The following C12orf56 variants were observed in gnomAD, a reference collection of about 807,000 sequenced individuals.
The protein encoded by C12orf56 is chromosome 12 open reading frame 56, also known as uncharacterized protein C12orf56.
Under a neutral mutation model 69.9 loss-of-function variants are expected in C12orf56, and 71 were observed. The ratio of observed to expected loss-of-function variants is 1.02; its 90% CI spans 0.84 to 1.24. C12orf56 has a LOEUF of 1.24. C12orf56 is among the 50% of genes most tolerant of loss of function. C12orf56 has a pLI of 0.00. For missense variants in C12orf56, 732 were observed against 738.5 expected (o/e 0.99, Z 0.10); for synonymous variants, 276 against 274.1 (o/e 1.01, Z -0.07).
intron 3 of C12orf56, among the ~76,000 whole-genome samples, chr12:64,322,004 TTTA>T (rs71092955): frequency 6.7e-6 from 1 of 148,494 alleles, no homozygotes; most frequent in Non-Finnish European, 1.5e-5. Context: ...ATTTATTTAA[TTTA>T]TTATTATTAT....
chr12:64,274,970 A>T lies in C12orf56; in HGVS notation c.1515T>A (p.Asn505Lys), dbSNP rs781276425. Reference sequence around the variant, plus strand: ...CAAACTTTGTGGATCCCAATCCGAGATTTCCCTAAAAGACTCAAGGAAATA... The same window carrying T: ...CAAACTTTGTGGATCCCAATCCGAGTTTTCCCTAAAAGACTCAAGGAAATA... ...YEILLVFQQG[N>K]LGLGSTKFAI... Residue 505 changes from asparagine (N) to lysine (K), a missense_variant, in exon 11 of 13, where the codon AAT becomes AAA. Asn to Lys is a moderately conservative substitution (Grantham distance 94). Coordinates refer to ENST00000543942, the MANE Select transcript of C12orf56 (RefSeq NM_001170633.2). 5 of 1,609,554 alleles carry T rather than the reference A, an allele frequency of 3.1e-6. No individual in the cohort carries two copies. In the Admixed American group the frequency reaches 6.7e-5, roughly 21 times the overall value.
Position 64,275,357 on chromosome 12 carries a change from G to A in C12orf56, c.1450C>T (p.Leu484=). 2 of 1,408,404 alleles carry A rather than the reference G, an allele frequency of 1.4e-6. No individual in the cohort carries two copies. Among genetic ancestry groups the A allele is most frequent in the Non-Finnish European group, 1.9e-6 (2 of 1,061,528 alleles). The allele number at this position is 1,408,404 out of a possible 1,614,324, so 87.2% of individuals were successfully genotyped here. ...GCTGTAGCAGTATTTGTATACTCCA[G>A]AATAAGCTTCTGTAACTAGAATTTT... ...SFDAELQKLI[L]EYTNTATALL... is the part of the protein sequence containing the mutation. Residue 484 remains leucine, a synonymous_variant, in exon 10 of 13, where the codon CTG becomes TTG. Transcript: ENST00000543942.
chr12:64,353,045 G>T lies in C12orf56; in HGVS notation c.264C>A (p.Tyr88Ter). Residue 88 changes from tyrosine (Y) to a stop codon, truncating the protein, a stop_gained, in exon 2 of 13, where the codon TAC (tyrosine) becomes TAA (stop). Transcript: ENST00000543942. LOFTEE classifies it high-confidence loss of function. ...TATCTGGCGAACTCAAAAATTCCGGGTAATCATCAATCTGGAAAAAAAATT... is the reference window on the plus strand; with the variant it reads ...TATCTGGCGAACTCAAAAATTCCGGTTAATCATCAATCTGGAAAAAAAATT... Reference protein sequence around the residue: ...DVVAIDLIDDYPEFLSSPDRE... With the variant: ...DVVAIDLIDD 3 of 1,610,070 alleles carry T rather than the reference G, an allele frequency of 1.9e-6. No homozygotes were observed. The highest frequency in any genetic ancestry group is 2.2e-5 in the East Asian group (1 of 44,776).
In C12orf56 at chr12:64,390,318, T is replaced by C. The variant is rs1351777301; in HGVS notation, c.248A>G (p.Asp83Gly). The C allele has an allele frequency of 1.9e-6, 3 of 1,607,784 alleles. No individual in the cohort carries two copies. Among genetic ancestry groups the C allele is most frequent in the Non-Finnish European group, 1.7e-6 (2 of 1,178,458 alleles). ...VVALRDVVAI[D>G]LIDDYPEFLS... ...CTGCCCACCCGCGCCGCTCACCAGG[T>C]CAATGGCCACGACGTCCCGCAGAGC... The change falls in exon 1 of 13, where the codon GAC becomes GGC. Residue 83 changes from aspartate to glycine, a missense_variant. Physicochemically the swap from Asp to Gly is moderately conservative, Grantham distance 94. Transcript: ENST00000543942.
intron 1 of C12orf56, among the ~76,000 whole-genome samples, chr12:64,378,929 T>C (rs962435305): frequency 3.3e-5 from 5 of 151,792 alleles, no homozygotes; most frequent in African/African-American, 1.2e-4. Context: ...TGCGTGCCTG[T>C]AGTCCCAGCT....
rs748400227 is a variant in C12orf56 at position 64,286,008 on chromosome 12, T to C, written c.1166A>G (p.Glu389Gly). The C allele has an allele frequency of 4.3e-6, 7 of 1,611,538 alleles. No individual in the cohort carries two copies. The African/African-American group carries it at 9.4e-5, about 22-fold the overall frequency. The change falls in exon 7 of 13, where the codon GAG becomes GGG. Residue 389 changes from glutamate to glycine, a missense_variant. By Grantham distance (98) the Glu-to-Gly change is moderately conservative (BLOSUM62 -2). Transcript: ENST00000543942. ...IVNKLHEYLP[E>G]SRDKNALQNQ... ...TTGTAGTGCATTCTTATCCCTAGAC[T>C]CCGGCAAGTACTCATGAAGTTTGTT...
chr12:64,285,715 G>C (rs1006687244), intron 7 of C12orf56, among the ~76,000 whole-genome samples: 25 of 152,104 alleles, frequency 1.6e-4, no homozygotes, highest in African/African-American at 5.6e-4. Flanking sequence ...TTGAACCCAC[G>C]AGGCAGAAAT....
chr12:64,313,499 A>T (rs989740573), intron 4 of C12orf56, among the ~76,000 whole-genome samples: 1 of 151,768 alleles, frequency 6.6e-6, no homozygotes, highest in Non-Finnish European at 1.5e-5. Flanking sequence ...GTGAGCTATG[A>T]TTGTGCCACT....
In C12orf56 at chr12:64,390,524, G is replaced by C; in HGVS notation, c.42C>G (p.Asn14Lys). 1.3e-6 allele frequency: 2 copies of C among 1,597,206 alleles called. No homozygotes were observed. Among genetic ancestry groups the C allele is most frequent in the Non-Finnish European group, 1.7e-6 (2 of 1,178,238 alleles). Residue 14 changes from asparagine (N) to lysine (K), a missense_variant, in exon 1 of 13, where the codon AAC (asparagine) becomes AAG (lysine). Asn to Lys is a moderately conservative substitution (Grantham distance 94). Coordinates refer to ENST00000543942, the MANE Select transcript of C12orf56 (RefSeq NM_001170633.2). ...GCCGCAGGAACACATCCAGGCGGCTGTTCCTGCGCGCGGGGAAGCCGGACG... is the reference window on the plus strand; with the variant it reads ...GCCGCAGGAACACATCCAGGCGGCTCTTCCTGCGCGCGGGGAAGCCGGACG... The part of the protein sequence containing the change: ...PLPSGFPARR[N>K]SRLDVFLRRH...
intron 11 of C12orf56, among the ~76,000 whole-genome samples, chr12:64,272,583 A>AT (rs1211267876): frequency 2.0e-4 from 3 of 14,754 alleles, no homozygotes; most frequent in East Asian, 7.7e-4. Context: ...ATAAAAATAA[A>AT]AAAATAAATA....
At chr12:64,368,276 G>C (rs2039525422) in intron 1 of C12orf56, among the ~76,000 whole-genome samples, 2 of 152,076 alleles carry the variant, frequency 1.3e-5, no homozygotes, top group Non-Finnish European at 2.9e-5. Flanking sequence ...CCTAAGGAGA[G>C]AGACTGTACT....
intron 11 of C12orf56, among the ~76,000 whole-genome samples, chr12:64,272,573 AT>A (rs2136744883): frequency 1.4e-5 from 1 of 71,660 alleles, no homozygotes; most frequent in Admixed American, 1.7e-4. Flanking sequence ...AAGTAAAAAA[AT>A]AAAAATAAAA....
intron 3 of C12orf56, among the ~76,000 whole-genome samples, chr12:64,326,642 C>T (rs2038844877): frequency 6.6e-6 from 1 of 151,416 alleles, no homozygotes. Context: ...GAGGCTAAGG[C>T]AGAAGAATCG....
rs988793850 is a variant in C12orf56, at chr12:64,330,888, A to T, written c.488+72T>A. Reference sequence around the variant, plus strand: ...AAGCCATTAGTAGAGAAAAAAAATTAAGAAAAACAAGTTACAATGTAAAAA... The same window carrying T: ...AAGCCATTAGTAGAGAAAAAAAATTTAGAAAAACAAGTTACAATGTAAAAA... On this transcript the variant is annotated intron_variant, in intron 3 of 12. Transcript: ENST00000543942. 7.7e-6 allele frequency: 10 copies of T among 1,305,696 alleles called. No individual in the cohort carries two copies. The African/African-American group carries it at 1.2e-4, about 16-fold the overall frequency. The allele number at this position is 1,305,696 out of a possible 1,614,324, so 80.9% of individuals were successfully genotyped here. A position where few individuals can be genotyped will look rare whatever the true frequency, so the allele number is the denominator to read the frequency against.
At position 64,266,982 on chromosome 12, in the gene C12orf56, C is replaced by T. The variant is rs1592403631; in HGVS notation, c.*201G>A. ...CCAATGGCATAAAGATCTTTGCACA[C>T]TTATAATAAATCAAATTTATTTTTT... On this transcript the variant is annotated 3_prime_UTR_variant, in exon 13 of 13. Transcript: ENST00000543942. The T allele has an allele frequency of 5.9e-6, 3 of 506,676 alleles. No homozygotes were observed. The highest frequency in any genetic ancestry group is 3.2e-5 in the South Asian group (1 of 31,730). 31.4% of individuals were successfully genotyped at this position (506,676 alleles called of 1,614,324 possible). A position where few individuals can be genotyped will look rare whatever the true frequency, so the allele number is the denominator to read the frequency against.
At chr12:64,312,957 C>T (rs1592443556) in intron 4 of C12orf56, among the ~76,000 whole-genome samples, 1 of 151,962 alleles carries the variant, frequency 6.6e-6, no homozygotes, top group Admixed American at 6.6e-5. Context: ...AACACTTGCT[C>T]ATTATAAAAT....
chr12:64,267,185 A>G lies in C12orf56; in HGVS notation c.1867T>C (p.Ter623GlnextTer12). 1 of 1,595,086 alleles carries G rather than the reference A, an allele frequency of 6.3e-7. No individual in the cohort carries two copies. The highest frequency in any genetic ancestry group is 8.6e-7 in the Non-Finnish European group (1 of 1,166,636). Residue 623 changes from the stop codon to glutamine, a stop_lost, in exon 13 of 13, where the codon TAG (stop) becomes CAG (glutamine). Transcript: ENST00000543942. ...LFHEVLKLVE* is the reference protein window; with the variant it reads ...LFHEVLKLVEQ The stretch of plus-strand genomic sequence containing the variant: ...AACATTGCGTACATTGTTTGTTTCT[A>G]TTCAACCAATTTCAGAACTTCATGA...
intron 1 of C12orf56, among the ~76,000 whole-genome samples, chr12:64,365,249 C>T (rs558972820): frequency 6.6e-6 from 1 of 150,956 alleles, no homozygotes; most frequent in Non-Finnish European, 1.5e-5. Flanking sequence ...ACTGCAACCT[C>T]CGCCTTCCGG....
intron 2 of C12orf56, among the ~76,000 whole-genome samples, chr12:64,332,602 C>T (rs1170327680): frequency 5.2e-5 from 7 of 133,386 alleles, no homozygotes; most frequent in Admixed American, 4.5e-4. Flanking sequence ...GTAAGACAGA[C>T]GTCTTAGTTA....
Sources: allele counts gnomAD v4.1 joint callset (sites outside exome capture counted in the v4.1 genomes callset), GRCh38; gene constraint gnomAD v4.1.1; transcripts MANE v1.5; gene names NCBI Gene and HGNC (gene_info 2026-07-23, HGNC 2026-07-21).